The following RIMS2 variants were observed in gnomAD, a reference collection of about 807,000 sequenced individuals.
RIMS2 encodes the protein regulating synaptic membrane exocytosis 2.
A neutral mutation model predicts 174.4 loss-of-function variants in RIMS2; 59 were observed. That is an observed-to-expected ratio of 0.34 (90% CI 0.27 to 0.42). RIMS2 has a LOEUF of 0.42. Among genes scored for constraint, RIMS2 ranks in the 10% least tolerant of loss-of-function variants. RIMS2 has a pLI of 1.00. For missense variants in RIMS2, 1,620 were observed against 1,666.3 expected (o/e 0.97, Z 0.48); for synonymous variants, 606 against 572.5 (o/e 1.06, Z -0.84).
chr8:103,909,996 A>G, intron 4 of RIMS2: 2 of 462,282 alleles, frequency 4.3e-6, no homozygotes, highest in Admixed American at 3.8e-5. Flanking sequence ...CTCACTATAT[A>G]TATATATATA....
chr8:103,921,637 T>G, intron 9 of RIMS2, 35 bp from the exon 13 acceptor site: 1 of 830,402 alleles, frequency 1.2e-6, no homozygotes, highest in Non-Finnish European at 2.1e-6. Flanking sequence ...TGAAGAGCCA[T>G]TGTTATTATT....
chr8:103,992,274 A>ATTTTTTTTTTTTTTTTTTTTTT (rs1186537194), intron 17 of RIMS2, among the ~76,000 whole-genome samples: 6 of 107,104 alleles, frequency 5.6e-5, no homozygotes, highest in Non-Finnish European at 7.1e-5. Context: ...ATGTCCAGCT[A>ATTTTTTTTTTTTTTTTTTTTTT]TTTTTTTTTT....
intron 19 of RIMS2, among the ~76,000 whole-genome samples, chr8:104,193,854 G>A (rs1209674330): frequency 6.6e-6 from 1 of 151,902 alleles, no homozygotes; most frequent in Non-Finnish European, 1.5e-5. Context: ...TATCCTTTTG[G>A]TTTTCAAATA....
chr8:104,179,858 C>T (rs2098929748), intron 19 of RIMS2, among the ~76,000 whole-genome samples: 1 of 151,688 alleles, frequency 6.6e-6, no homozygotes, highest in African/African-American at 2.4e-5. Context: ...CCTTACTTAC[C>T]TACCTCCTCT....
At chr8:104,012,479 A>G (rs1597109018) in intron 17 of RIMS2, among the ~76,000 whole-genome samples, 1 of 151,758 alleles carries the variant, frequency 6.6e-6, no homozygotes, top group Non-Finnish European at 1.5e-5. Flanking sequence ...TTGACTGTCT[A>G]TATTATATAA....
At chr8:103,619,217 A>G (rs558420929) in intron 1 of RIMS2, among the ~76,000 whole-genome samples, 19 of 151,994 alleles carry the variant, frequency 1.3e-4, no homozygotes, top group Non-Finnish European at 2.2e-4. Context: ...AGAGTATCTT[A>G]GAAAAGTATC....
chr8:103,601,621 C>T (rs1235997253), intron 1 of RIMS2, among the ~76,000 whole-genome samples: 1 of 151,742 alleles, frequency 6.6e-6, no homozygotes. Context: ...ATCTATTCAG[C>T]CACTCTGTGT....
chr8:103,967,336 A>G (rs1163492230), intron 15 of RIMS2, among the ~76,000 whole-genome samples: 1 of 151,206 alleles, frequency 6.6e-6, no homozygotes, highest in East Asian at 2.0e-4. Context: ...GATTACAGGC[A>G]TGTGCCACTA....
intron 19 of RIMS2, among the ~76,000 whole-genome samples, chr8:104,207,820 AT>A (rs1440665399): frequency 6.7e-6 from 1 of 149,404 alleles, no homozygotes; most frequent in Admixed American, 6.7e-5. Flanking sequence ...TCTCAAAAAA[AT>A]ATATATATAT....
rs981422694 is a variant in RIMS2 at position 104,041,315 on chromosome 8, T to A, written c.3334+26700T>A. On this transcript the variant is annotated intron_variant, in intron 19 of 23. Transcript: ENST00000504942. Reference sequence around the variant, plus strand: ...TTGTCTATGTCTGTCCATTACACGATGTGATCACAGAAGAACTGGACTCTA... The same window carrying A: ...TTGTCTATGTCTGTCCATTACACGAAGTGATCACAGAAGAACTGGACTCTA... The A allele has an allele frequency of 1.4e-6, 1 of 696,126 alleles. No individual in the cohort carries two copies. The highest frequency in any genetic ancestry group is 1.5e-5 in the South Asian group (1 of 66,034). The allele number at this position is 696,126 out of a possible 1,614,324, so 43.1% of individuals were successfully genotyped here.
chr8:103,568,795 G>A, intron 1 of RIMS2: 1 of 1,138,734 alleles, frequency 8.8e-7, no homozygotes, highest in South Asian at 1.2e-5. Context: ...TTTGCTGTTT[G>A]TGCAATCAGT....
At chr8:103,628,710 G>A (rs1340398799) in intron 1 of RIMS2, among the ~76,000 whole-genome samples, 1 of 145,108 alleles carries the variant, frequency 6.9e-6, no homozygotes, top group African/African-American at 2.6e-5. Context: ...CCCAACATGG[G>A]CACTAAAGAA....
chr8:103,527,797 A>G (rs1316004963), intron 1 of RIMS2, among the ~76,000 whole-genome samples: 1 of 152,174 alleles, frequency 6.6e-6, no homozygotes, highest in Admixed American at 6.5e-5. Context: ...TCAGTGATGG[A>G]CATTTGGGTT....
intron 15 of RIMS2, among the ~76,000 whole-genome samples, chr8:103,962,908 C>T (rs2090619254): frequency 6.6e-6 from 1 of 152,018 alleles, no homozygotes; most frequent in African/African-American, 2.4e-5. Context: ...TTAACAATAC[C>T]TTTAGTACTC....
chr8:103,704,034 G>A lies in RIMS2; in HGVS notation c.387+6738G>A, dbSNP rs559617792. ...TTCCAATACTATATTGAATAAAAGC[G>A]GTGAAAGTGGGTATCCTAGACTTGT... On this transcript the variant is annotated intron_variant, in intron 2 of 23. Transcript: ENST00000504942. 1.6e-4 allele frequency among the ~76,000 whole-genome samples: 25 copies of A among 151,874 alleles called. 1 individual carries two copies. The highest frequency in any genetic ancestry group is 4.6e-4 in the Admixed American group (7 of 15,232).
At chr8:103,876,448 T>A (rs962891860) in intron 3 of RIMS2, among the ~76,000 whole-genome samples, 26 of 151,824 alleles carry the variant, frequency 1.7e-4, no homozygotes, top group East Asian at 9.7e-4. Context: ...CTGATTTTTT[T>A]AAATTTTTTG....
intron 19 of RIMS2, among the ~76,000 whole-genome samples, chr8:104,139,396 C>T (rs2098548488): frequency 6.6e-6 from 1 of 152,102 alleles, no homozygotes; most frequent in South Asian, 2.1e-4. Context: ...AGTCCATGAA[C>T]ATGGAATATC....
chr8:104,212,973 A>G (rs1167974260), intron 19 of RIMS2, among the ~76,000 whole-genome samples: 1 of 152,004 alleles, frequency 6.6e-6, no homozygotes, highest in Non-Finnish European at 1.5e-5. Flanking sequence ...TTTTTTCTTT[A>G]CCTGTAAACC....
chr8:104,135,448 T>C (rs1167976950), intron 19 of RIMS2, among the ~76,000 whole-genome samples: 1 of 150,632 alleles, frequency 6.6e-6, no homozygotes, highest in Non-Finnish European at 1.5e-5. Context: ...AAAGGAGAAA[T>C]AGAAAAAATT....
Sources: allele counts gnomAD v4.1 joint callset (sites outside exome capture counted in the v4.1 genomes callset), GRCh38; gene constraint gnomAD v4.1.1; transcripts MANE v1.5; gene names NCBI Gene and HGNC (gene_info 2026-07-23, HGNC 2026-07-21).